Variants in DGKG observed in about 807,000 individuals in gnomAD.
The protein encoded by DGKG is DAG kinase gamma.
Under a neutral mutation model 105.3 loss-of-function variants are expected in DGKG, and 78 were observed. That is an observed-to-expected ratio of 0.74 (90% CI 0.62 to 0.89). The LOEUF is 0.89. Among genes scored for constraint, DGKG ranks in the 40% least tolerant of loss-of-function variants. DGKG has a pLI of 0.00. For missense variants in DGKG, 958 were observed against 1,020.1 expected, an observed-to-expected ratio of 0.94 and a Z score of 0.83; for synonymous variants, 346 against 367.1, an observed-to-expected ratio of 0.94 and a Z score of 0.66.
At chr3:186,160,974 A>G in intron 24 of DGKG, 3 of 985,462 alleles carry the variant, frequency 3.0e-6, no homozygotes, top group Non-Finnish European at 3.6e-6. Context: ...TTATTGTGCA[A>G]CTATTACAAA....
intron 19 of DGKG, among the ~76,000 whole-genome samples, chr3:186,250,448 A>G (rs1039280506): frequency 2.0e-5 from 3 of 151,956 alleles, no homozygotes; most frequent in African/African-American, 4.8e-5. Flanking sequence ...CACATAACAG[A>G]CCTGCACATC....
intron 22 of DGKG, among the ~76,000 whole-genome samples, chr3:186,179,874 G>A (rs1029512469): frequency 3.9e-5 from 6 of 152,166 alleles, no homozygotes; most frequent in Admixed American, 2.0e-4. Context: ...CTGGCACAGC[G>A]CACGCCAGCA....
At chr3:186,274,442 G>T (rs552899150) in intron 10 of DGKG, among the ~76,000 whole-genome samples, 1 of 151,860 alleles carries the variant, frequency 6.6e-6, no homozygotes, top group East Asian at 1.9e-4. Context: ...CAATGTGCAG[G>T]TTTGTTACAT....
At chr3:186,302,481 T>C (rs1458214528) in intron 3 of DGKG, among the ~76,000 whole-genome samples, 7 of 11,028 alleles carry the variant, frequency 6.3e-4, no homozygotes, top group East Asian at 3.7e-3. Context: ...TATATATATA[T>C]ATATATATAT....
At chr3:186,248,799 C>T (rs1721069016) in intron 19 of DGKG, among the ~76,000 whole-genome samples, 1 of 152,194 alleles carries the variant, frequency 6.6e-6, no homozygotes, top group Admixed American at 6.5e-5. Context: ...ATTCCAAGCT[C>T]TGCCACTCAC....
At chr3:186,238,381 A>C (rs1242681933) in intron 20 of DGKG, among the ~76,000 whole-genome samples, 3 of 152,102 alleles carry the variant, frequency 2.0e-5, no homozygotes, top group African/African-American at 7.2e-5. Context: ...ATGACCATTA[A>C]TAAGTTCTTA....
intron 1 of DGKG, among the ~76,000 whole-genome samples, chr3:186,356,667 G>A (rs1726977200): frequency 6.6e-6 from 1 of 152,118 alleles, no homozygotes; most frequent in Non-Finnish European, 1.5e-5. Context: ...AAAGAAATTA[G>A]AGAAAACTAG....
rs372602726 is a variant in DGKG, at chr3:186,183,288, T to C, written c.2095+4914A>G. Among the ~76,000 whole-genome samples, 7 of 152,308 alleles carry C rather than the reference T, an allele frequency of 4.6e-5. 1 individual carries two copies. The South Asian group carries it at 1.5e-3, about 32-fold the overall frequency. On this transcript the variant is annotated intron_variant, in intron 22 of 24. Coordinates refer to ENST00000265022, the MANE Select transcript of DGKG (RefSeq NM_001346.3). ...TCCTACCCTTTCTCTGGGCCTTGAT[T>C]TTCCTCAACTATGAAATAGGGATAT...
At position 186,152,961 on chromosome 3, in the gene DGKG, CTTTT is replaced by C. The variant is rs10579014; in HGVS notation, c.2278-2777_2278-2774del. Among the ~76,000 whole-genome samples the C allele has an allele frequency of 3.5e-3, 431 of 124,488 alleles. 3 individuals are homozygous for C. Among genetic ancestry groups the C allele is most frequent in the African/African-American group, 0.012 (409 of 34,600 alleles). The allele number at this position is 124,488 out of a possible 152,430, so 81.7% of individuals were successfully genotyped here. ...ACAGGCACCAGCTGCCGCGCCCGGC[CTTTT>C]TTTTTTTTTTTTTTTTATTTAGATG... On this transcript the variant is annotated intron_variant, in intron 24 of 24. Transcript: ENST00000265022.
At chr3:186,310,730 T>G (rs1724501156) in intron 2 of DGKG, among the ~76,000 whole-genome samples, 1 of 152,184 alleles carries the variant, frequency 6.6e-6, no homozygotes, top group Non-Finnish European at 1.5e-5. Flanking sequence ...AGCACTAGAT[T>G]CAGAGGACAC....
At chr3:186,205,914 C>G (rs1177758399) in intron 21 of DGKG, among the ~76,000 whole-genome samples, 1 of 152,010 alleles carries the variant, frequency 6.6e-6, no homozygotes, top group Admixed American at 6.6e-5. Context: ...AAAAAATCCT[C>G]AATTAAAAGG....
chr3:186,355,441 A>T (rs1560170863), intron 1 of DGKG, among the ~76,000 whole-genome samples: 1 of 150,140 alleles, frequency 6.7e-6, no homozygotes, highest in Non-Finnish European at 1.5e-5. Flanking sequence ...TACTCCCACC[A>T]CTATGATCAT....
chr3:186,172,006 C>T (rs1716846470), intron 22 of DGKG, among the ~76,000 whole-genome samples: 2 of 152,158 alleles, frequency 1.3e-5, no homozygotes, highest in African/African-American at 4.8e-5. Context: ...CAGGCACCCA[C>T]CATCATGCCC....
chr3:186,200,122 G>T (rs1300658546), intron 21 of DGKG, among the ~76,000 whole-genome samples: 1 of 152,158 alleles, frequency 6.6e-6, no homozygotes, highest in Non-Finnish European at 1.5e-5. Flanking sequence ...CAGGATATTT[G>T]TGGGTCTATA....
chr3:186,351,234 C>G (rs1045100382), intron 1 of DGKG, among the ~76,000 whole-genome samples: 1 of 152,056 alleles, frequency 6.6e-6, no homozygotes, highest in Non-Finnish European at 1.5e-5. Context: ...TATTGGTGTC[C>G]TTTGCTAGTT....
Position 186,267,574 on chromosome 3 carries a change from C to G in DGKG, c.1209+111G>C, listed in dbSNP as rs577300116. On this transcript the variant is annotated intron_variant, in intron 13 of 24. Transcript: ENST00000265022. ...AAAAGAAAGAAAAGAAAACACAAAC[C>G]CAAAGAGTTGTCAGGGAAGCCCTGG... 142 of 821,750 alleles carry G rather than the reference C, an allele frequency of 1.7e-4. No individual in the cohort carries two copies. In the Middle Eastern group the frequency reaches 1.8e-3, roughly 10 times the overall value. The allele number at this position is 821,750 out of a possible 1,614,324, so 50.9% of individuals were successfully genotyped here.
At chr3:186,208,564 A>G (rs1050607514) in intron 21 of DGKG, among the ~76,000 whole-genome samples, 1 of 152,226 alleles carries the variant, frequency 6.6e-6, no homozygotes, top group Non-Finnish European at 1.5e-5. Context: ...TGAGGACATT[A>G]ATATTGGCCC....
intron 17 of DGKG, among the ~76,000 whole-genome samples, chr3:186,257,073 G>A (rs2108568752): frequency 6.6e-6 from 1 of 152,326 alleles, no homozygotes; most frequent in South Asian, 2.1e-4. Flanking sequence ...AGCACAGGCA[G>A]CATTTTTGGG....
chr3:186,161,211 A>ATC, intron 24 of DGKG: 5 of 994,430 alleles, frequency 5.0e-6, no homozygotes, highest in South Asian at 8.9e-5. Context: ...GCTTCCACGT[A>ATC]AGGAAGCAAT....
Sources: gnomAD v4.1 joint callset for allele counts (sites outside exome capture counted in the v4.1 genomes callset) on GRCh38, gnomAD v4.1.1 for gene constraint, MANE v1.5 for transcripts, NCBI Gene and HGNC (gene_info 2026-07-23, HGNC 2026-07-21) for gene names.